Variants in TLR6 observed in about 807,000 individuals in gnomAD.
TLR6 encodes toll-like receptor 6.
In TLR6, 9 loss-of-function variants were observed where a neutral mutation model predicts 16.1. That is an observed-to-expected ratio of 0.56 (90% confidence interval 0.34 to 0.98). The LOEUF is 0.98. TLR6 is among the 50% of genes least tolerant of loss of function. The pLI is 0.02. For missense variants in TLR6, 786 were observed against 921.0 expected (o/e 0.85, Z 1.90); for synonymous variants, 340 against 338.6 (o/e 1.00, Z -0.04).
At chr4:38,847,334 C>T (rs1382917021) in intron 1 of TLR6, among the ~76,000 whole-genome samples, 1 of 152,134 alleles carries the variant, frequency 6.6e-6, no homozygotes, top group African/African-American at 2.4e-5. Flanking sequence ...AGGAACAGCT[C>T]CAGTCTATAG....
upstream of TLR6, among the ~76,000 whole-genome samples, chr4:38,861,006 C>G (rs549501814): frequency 6.6e-6 from 1 of 152,240 alleles, no homozygotes; most frequent in South Asian, 2.1e-4. Context: ...GAGACCTACA[C>G]GCTGGCCTGA....
chr4:38,857,966 C>T (rs1033588269), upstream of TLR6, among the ~76,000 whole-genome samples: 2 of 152,170 alleles, frequency 1.3e-5, no homozygotes, highest in Admixed American at 6.5e-5. Context: ...TTCAAGTAAC[C>T]GTGGACTAAA....
At chr4:38,839,038 GAGAA>G (rs1322615149) in intron 1 of TLR6, among the ~76,000 whole-genome samples, 22 of 133,396 alleles carry the variant, frequency 1.6e-4, no homozygotes, top group Admixed American at 1.4e-3. Context: ...AAGAAAGAGA[GAGAA>G]AGAAAGAAAA....
intron 1 of TLR6, among the ~76,000 whole-genome samples, chr4:38,833,093 C>A (rs1711706119): frequency 6.6e-6 from 1 of 152,174 alleles, no homozygotes; most frequent in African/African-American, 2.4e-5. Context: ...CAGCCTGCTG[C>A]TGCCTGTGTC....
chr4:38,838,918 A>T lies in TLR6; in HGVS notation c.-64-9381T>A, dbSNP rs1392498461. The stretch of plus-strand genomic sequence containing the variant: ...AGAGAAAAAGAGAAGGAAGGAAGGG[A>T]GGGAGGGAGGGAAGGAAGGAAGGAA... On this transcript the variant is annotated intron_variant, in intron 1 of 1. Transcript: ENST00000436693. Among the ~76,000 whole-genome samples the T allele has an allele frequency of 6.2e-3, 719 of 116,002 alleles. 13 individuals carry two copies. Among genetic ancestry groups the T allele is most frequent in the African/African-American group, 0.023 (656 of 28,210 alleles). 76.1% of individuals were successfully genotyped at this position (116,002 alleles called of 152,430 possible). A position where few individuals can be genotyped will look rare whatever the true frequency, so the allele number is the denominator to read the frequency against.
At chr4:38,824,069 CT>C (rs999516967) in exon 2 of TLR6, 7 of 149,096 alleles carry the variant, frequency 4.7e-5, no homozygotes, top group African/African-American at 1.7e-4. Context: ...CAGCGTGGAA[CT>C]GTAGCCCCGC....
chr4:38,845,160 A>G (rs1465639756), intron 1 of TLR6, among the ~76,000 whole-genome samples: 2 of 152,234 alleles, frequency 1.3e-5, no homozygotes, highest in African/African-American at 4.8e-5. Flanking sequence ...TTTGAAAAAT[A>G]TTAAGTTATA....
chr4:38,849,927 A>C (rs1240556413), intron 1 of TLR6, among the ~76,000 whole-genome samples: 1 of 152,180 alleles, frequency 6.6e-6, no homozygotes, highest in Non-Finnish European at 1.5e-5. Flanking sequence ...AAATCAACAG[A>C]ATATATATTT....
chr4:38,837,991 A>G (rs1712025956), intron 1 of TLR6, among the ~76,000 whole-genome samples: 1 of 152,210 alleles, frequency 6.6e-6, no homozygotes, highest in African/African-American at 2.4e-5. Context: ...AGTTATATGA[A>G]AAAAATGCTC....
chr4:38,850,551 AC>A (rs1485347105), intron 1 of TLR6, among the ~76,000 whole-genome samples: 2 of 152,254 alleles, frequency 1.3e-5, no homozygotes, highest in Non-Finnish European at 2.9e-5. Context: ...AGGGGATATC[AC>A]CACTGATCCC....
chr4:38,837,535 G>C (rs908787432), intron 1 of TLR6, among the ~76,000 whole-genome samples: 1 of 152,154 alleles, frequency 6.6e-6, no homozygotes, highest in African/African-American at 2.4e-5. Context: ...GTATAAGAAT[G>C]AAACTAGACC....
At chr4:38,854,281 A>T (rs1201278921) in intron 1 of TLR6, among the ~76,000 whole-genome samples, 3 of 152,248 alleles carry the variant, frequency 2.0e-5, no homozygotes, top group Non-Finnish European at 4.4e-5. Flanking sequence ...AAACATATTC[A>T]GTAACAGAAG....
At chr4:38,828,818 G>A in exon 2 of TLR6, 2 of 1,614,076 alleles carry the variant, frequency 1.2e-6, no homozygotes, top group African/African-American at 1.3e-5. Context: ...GCACCCTAAA[G>A]TATTAACTGA....
chr4:38,841,905 G>A (rs1712280771), intron 1 of TLR6, among the ~76,000 whole-genome samples: 2 of 152,160 alleles, frequency 1.3e-5, no homozygotes, highest in Admixed American at 1.3e-4. Context: ...TTTGTAAAGT[G>A]ATTTATAAAA....
intron 1 of TLR6, among the ~76,000 whole-genome samples, chr4:38,845,889 C>T (rs545277778): frequency 1.3e-3 from 191 of 151,998 alleles, no homozygotes; most frequent in African/African-American, 4.5e-3. Flanking sequence ...GTCAGAAGTT[C>T]GAGACCAGCC....
At chr4:38,823,653 T>C (rs538126263), downstream of TLR6, 3 of 152,354 alleles carry the variant, frequency 2.0e-5, no homozygotes, top group Admixed American at 6.5e-5. Flanking sequence ...ACTTTATTTG[T>C]ATGGATTTTT....
At chr4:38,858,757 GGGA>G (rs1560274455), upstream of TLR6, among the ~76,000 whole-genome samples, 163 of 59,584 alleles carry the variant, frequency 2.7e-3, 3 homozygotes, top group African/African-American at 0.02. Flanking sequence ...GAGAGAGAGA[GGGA>G]GAGAGAGAGA....
At chr4:38,867,212 G>A in the TLR6 span, among the ~76,000 whole-genome samples, 1 of 152,122 alleles carries the variant, frequency 6.6e-6, no homozygotes, top group South Asian at 2.1e-4. Flanking sequence ...GCTTCCCCCC[G>A]CAGAAACAAC....
At chr4:38,866,320 C>T in the TLR6 span, among the ~76,000 whole-genome samples, 2 of 149,596 alleles carry the variant, frequency 1.3e-5, no homozygotes, top group East Asian at 2.0e-4. Context: ...GGTGAAACCC[C>T]GTCTCTACTA....
Sources: allele counts gnomAD v4.1 joint callset (sites outside exome capture counted in the v4.1 genomes callset), GRCh38; gene constraint gnomAD v4.1.1; transcripts MANE v1.5; gene names NCBI Gene and HGNC (gene_info 2026-07-23, HGNC 2026-07-21).